The following HERC4 variants were observed in gnomAD, a reference collection of about 807,000 sequenced individuals.
HERC4 encodes HECT and RLD domain containing E3 ubiquitin protein ligase 4, also known as probable E3 ubiquitin-protein ligase HERC4.
HERC4 carries 28 observed loss-of-function variants against 124.3 expected under a neutral mutation model. The ratio of observed to expected loss-of-function variants is 0.23; its 90% confidence interval spans 0.17 to 0.31. The LOEUF is 0.31. Among genes scored for constraint, HERC4 ranks in the 10% least tolerant of loss-of-function variants. The pLI, the probability that HERC4 is intolerant of heterozygous loss-of-function variation, is 1.00. For missense variants in HERC4, 713 were observed against 1,229.3 expected (o/e 0.58, Z 6.28); for synonymous variants, 407 against 421.5 (o/e 0.97, Z 0.42).
At chr10:67,949,567 A>T (rs940231478) in intron 19 of HERC4, among the ~76,000 whole-genome samples, 1 of 152,228 alleles carries the variant, frequency 6.6e-6, no homozygotes, top group Non-Finnish European at 1.5e-5. Flanking sequence ...TGTCAACAAA[A>T]TAATAGCAAC....
chr10:67,956,700 CCT>C, intron 17 of HERC4, 176 bp downstream of exon 17: 2 of 391,776 alleles, frequency 5.1e-6, no homozygotes, highest in East Asian at 7.4e-5. Flanking sequence ...TTCACTGCAA[CCT>C]TTTTTTATAA....
intron 15 of HERC4, among the ~76,000 whole-genome samples, chr10:67,979,296 G>C (rs1201811510): frequency 6.6e-6 from 1 of 152,032 alleles, no homozygotes; most frequent in East Asian, 1.9e-4. Context: ...TCATTTAAAA[G>C]AATGAAGCAA....
In HERC4 at chr10:67,932,254, G is replaced by A. The variant is rs530899172; in HGVS notation, c.2838+343C>T. Among the ~76,000 whole-genome samples the A allele has an allele frequency of 5.6e-4, 85 of 152,246 alleles. 1 individual carries two copies. Among genetic ancestry groups the A allele is most frequent in the Middle Eastern group, 3.4e-3 (1 of 294 alleles). ...TTACAGGTGTAAGCCACCACGCCTG[G>A]CCTAAGTTATTTTTAGAGATCAGGT... is the stretch of plus-strand genomic sequence containing the variant. On this transcript the variant is annotated intron_variant, in intron 23 of 24. Transcript: ENST00000373700.
intron 9 of HERC4, among the ~76,000 whole-genome samples, chr10:68,009,227 TA>T (rs530909163): frequency 2.0e-3 from 283 of 143,900 alleles, no homozygotes; most frequent in Non-Finnish European, 2.6e-3. Flanking sequence ...TCTGTCTCAT[TA>T]AAAAAAAAAA....
At chr10:67,966,956 G>A (rs1175313919) in intron 15 of HERC4, among the ~76,000 whole-genome samples, 154 bp from the exon 16 acceptor site, 4 of 152,140 alleles carry the variant, frequency 2.6e-5, no homozygotes, top group African/African-American at 9.7e-5. Context: ...CCGGGTTCAC[G>A]CCATTCTCCT....
At chr10:68,013,898 C>G in intron 9 of HERC4, 128 bp downstream of exon 9, 1 of 712,810 alleles carries the variant, frequency 1.4e-6, no homozygotes, top group African/African-American at 1.8e-5. Context: ...ATACATTGTT[C>G]TATATTTTGC....
In HERC4 at chr10:67,960,119, T is replaced by C. The variant is rs117949557; in HGVS notation, c.1927-3143A>G. On this transcript the variant is annotated intron_variant, in intron 16 of 24. Transcript: ENST00000373700. ...CTGTCAGTTCTGCTTCCAGAAGAGCTGGGAACTAGAGGTCACTACGGGAGC... is the reference window on the plus strand; with the variant it reads ...CTGTCAGTTCTGCTTCCAGAAGAGCCGGGAACTAGAGGTCACTACGGGAGC... Among the ~76,000 whole-genome samples the C allele has an allele frequency of 2.9e-3, 445 of 152,334 alleles. 7 individuals carry two copies. The East Asian group carries it at 0.046, about 16-fold the overall frequency.
rs1462885468 is a variant in HERC4 at position 68,044,469 on chromosome 10, A to C, written c.321T>G (p.Ala107=). The C allele has an allele frequency of 1.2e-6, 2 of 1,614,152 alleles. No homozygotes were observed. The highest frequency in any genetic ancestry group is 2.2e-5 in the East Asian group (1 of 44,870). ...GCTGTCCATCAGAATCGAGACCCCA[A>C]GCATACACCTGGCCTTTGTCATTTA... ...LALNDKGQVY[A]WGLDSDGQLG... The change falls in exon 4 of 25, where the codon GCT becomes GCG. Residue 107 remains alanine, a synonymous_variant. Coordinates refer to ENST00000373700, the MANE Select transcript of HERC4 (RefSeq NM_015601.4).
chr10:67,932,223 C>T (rs1397541702), intron 23 of HERC4, among the ~76,000 whole-genome samples: 1 of 152,184 alleles, frequency 6.6e-6, no homozygotes, highest in Non-Finnish European at 1.5e-5. Flanking sequence ...TCCCAAAGTC[C>T]TGGGGTTACA....
chr10:67,936,079 C>T (rs1441634039), intron 22 of HERC4, 74 bp downstream of exon 22: 4 of 924,958 alleles, frequency 4.3e-6, no homozygotes, highest in Non-Finnish European at 6.6e-6. Context: ...AGGGTTGTGA[C>T]ACGTTTTCTA....
rs1212301003 is a variant in HERC4, at chr10:68,003,537, G to A, written c.1069+10489C>T. The stretch of plus-strand genomic sequence containing the variant: ...ACCCCACTACCCTTCCCAGCCTCTG[G>A]TAACTATCATTCTATTCTCTATCTC... On this transcript the variant is annotated intron_variant, in intron 9 of 24. Coordinates refer to ENST00000373700, the MANE Select transcript of HERC4 (RefSeq NM_015601.4). 2.6e-5 allele frequency among the ~76,000 whole-genome samples: 4 copies of A among 151,838 alleles called. No homozygotes were observed. In the East Asian group the frequency reaches 7.7e-4, roughly 29 times the overall value.
At chr10:68,055,113 G>T (rs1247103796) in intron 3 of HERC4, among the ~76,000 whole-genome samples, 1 of 151,770 alleles carries the variant, frequency 6.6e-6, no homozygotes, top group Non-Finnish European at 1.5e-5. Flanking sequence ...TTAGGGACGG[G>T]GTTTCACCAT....
intron 6 of HERC4, 136 bp downstream of exon 6, chr10:68,033,829 A>AT (rs1342219805): frequency 1.5e-6 from 1 of 670,764 alleles, no homozygotes; most frequent in Non-Finnish European, 2.5e-6. Flanking sequence ...CCCAAATGGA[A>AT]TTTTTAAATA....
At chr10:67,956,279 A>C (rs2034139190) in intron 17 of HERC4, 1 of 152,220 alleles carries the variant, frequency 6.6e-6, no homozygotes, top group Admixed American at 6.5e-5. Context: ...CTTTAAAGTC[A>C]TAATATGAAT....
At chr10:67,986,917 A>T (rs2036294633) in intron 15 of HERC4, among the ~76,000 whole-genome samples, 1 of 152,154 alleles carries the variant, frequency 6.6e-6, no homozygotes, top group South Asian at 2.1e-4. Flanking sequence ...CCCCTTCTAA[A>T]GAGATTATAC....
intron 8 of HERC4, among the ~76,000 whole-genome samples, chr10:68,018,764 A>C (rs1412071291): frequency 6.6e-6 from 1 of 152,110 alleles, no homozygotes; most frequent in Non-Finnish European, 1.5e-5. Context: ...TATGATGAAA[A>C]TTTTAAAACA....
Position 67,941,014 on chromosome 10 carries a change from A to G in HERC4, c.2429T>C (p.Leu810Ser), listed in dbSNP as rs2032839251. ...TTTCAGTAGTTTCTTATATAAAGCC[A>G]AAGGAAAATGGAGGTCCACAATGGT... Reference protein sequence around the residue: ...NCTIVDLHFPLALYKKLLKKK... With the variant: ...NCTIVDLHFPSALYKKLLKKK... Residue 810 changes from leucine to serine, a missense_variant, in exon 20 of 25, where the codon TTG (leucine) becomes TCG (serine). Physicochemically the swap from Leu to Ser is moderately radical, Grantham distance 145. Coordinates refer to ENST00000373700, the MANE Select transcript of HERC4 (RefSeq NM_015601.4). The G allele has an allele frequency of 5.6e-6, 9 of 1,612,456 alleles. No individual in the cohort carries two copies. Among genetic ancestry groups the G allele is most frequent in the Non-Finnish European group, 5.9e-6 (7 of 1,179,372 alleles).
chr10:67,954,941 AC>A, intron 18 of HERC4, 21 bp downstream of exon 18: 2 of 1,576,920 alleles, frequency 1.3e-6, no homozygotes, highest in Non-Finnish European at 1.7e-6. Flanking sequence ...TCCCAATTAT[AC>A]CACAGAAAAT....
chr10:67,979,973 AC>A (rs1409104835), intron 15 of HERC4, among the ~76,000 whole-genome samples: 5 of 152,176 alleles, frequency 3.3e-5, no homozygotes, highest in Admixed American at 1.3e-4. Context: ...TGAGAAAAAA[AC>A]AAATAACATA....
Sources: allele counts gnomAD v4.1 joint callset (sites outside exome capture counted in the v4.1 genomes callset), GRCh38; gene constraint gnomAD v4.1.1; transcripts MANE v1.5; gene names NCBI Gene and HGNC (gene_info 2026-07-23, HGNC 2026-07-21).